PTBP3: variants seen among roughly 807,000 people sequenced by gnomAD.
The protein encoded by PTBP3 is polypyrimidine tract-binding protein 3.
In PTBP3, 20 loss-of-function variants were observed where a neutral mutation model predicts 58.7. The ratio of observed to expected loss-of-function variants is 0.34; its 90% CI spans 0.24 to 0.50. The LOEUF is 0.50. Among genes scored for constraint, PTBP3 ranks in the 20% least tolerant of loss-of-function variants. PTBP3 has a pLI of 0.98. For synonymous variants in PTBP3, 185 were observed against 219.8 expected, an observed-to-expected ratio of 0.84 and a Z score of 1.40; for missense variants, 509 against 637.2, an observed-to-expected ratio of 0.80 and a Z score of 2.17.
chr9:112,325,343 G>T (rs1830112912), intron 1 of PTBP3, among the ~76,000 whole-genome samples: 1 of 152,158 alleles, frequency 6.6e-6, no homozygotes. Context: ...GGGGGAAGGG[G>T]GTGGAGCCAC....
At chr9:112,325,188 G>C (rs1830106081) in intron 1 of PTBP3, among the ~76,000 whole-genome samples, 1 of 150,084 alleles carries the variant, frequency 6.7e-6, no homozygotes, top group African/African-American at 2.4e-5. Context: ...AGGGTCCCCG[G>C]AGAACCTTCG....
At chr9:112,309,655 G>GTCC (rs958350098) in intron 1 of PTBP3, among the ~76,000 whole-genome samples, 2 of 152,062 alleles carry the variant, frequency 1.3e-5, no homozygotes, top group African/African-American at 4.8e-5. Flanking sequence ...GGGCGTGGTG[G>GTCC]TGGACGCCTG....
intron 1 of PTBP3, among the ~76,000 whole-genome samples, chr9:112,322,134 C>T (rs78425643): frequency 1.5e-5 from 1 of 68,360 alleles, no homozygotes; most frequent in Admixed American, 2.0e-4. Flanking sequence ...GACTCCATCT[C>T]AAAAAAAAAA....
intron 8 of PTBP3, 53 bp downstream of exon 8, chr9:112,234,767 G>C: frequency 6.6e-7 from 1 of 1,506,782 alleles, no homozygotes; most frequent in African/African-American, 1.4e-5. Flanking sequence ...TAAGTTCCTA[G>C]AAAATATACA....
chr9:112,268,659 C>T (rs1381426012), intron 3 of PTBP3, among the ~76,000 whole-genome samples: 1 of 145,502 alleles, frequency 6.9e-6, no homozygotes, highest in Non-Finnish European at 1.5e-5. Flanking sequence ...GTGCAGTGAT[C>T]CATGTTTGCA....
chr9:112,333,444 C>A (rs764790876), intron 1 of PTBP3, 26 bp downstream of exon 1: 1 of 1,571,106 alleles, frequency 6.4e-7, no homozygotes, highest in African/African-American at 1.4e-5. Context: ...CAACCCGGTG[C>A]GGCCGCCGCG....
At chr9:112,295,076 C>A (rs1432690076) in intron 2 of PTBP3, among the ~76,000 whole-genome samples, 1 of 151,954 alleles carries the variant, frequency 6.6e-6, no homozygotes, top group Non-Finnish European at 1.5e-5. Context: ...CCTGTCTCTA[C>A]TAAAAATACA....
chr9:112,326,280 C>T (rs551853499), intron 1 of PTBP3, among the ~76,000 whole-genome samples: 1 of 152,314 alleles, frequency 6.6e-6, no homozygotes, highest in Non-Finnish European at 1.5e-5. Context: ...TTTCCTATAG[C>T]TCAAGCACAG....
the PTBP3 span, among the ~76,000 whole-genome samples, chr9:112,375,228 C>T: frequency 2.6e-5 from 4 of 152,250 alleles, no homozygotes; most frequent in African/African-American, 9.6e-5. Context: ...CTACATACCT[C>T]TTCCCCAAAT....
At chr9:112,277,876 AATAACGTAAC>A (rs1251274720) in intron 2 of PTBP3, among the ~76,000 whole-genome samples, 5 of 148,616 alleles carry the variant, frequency 3.4e-5, no homozygotes, top group Admixed American at 6.9e-5. Context: ...TCTGTCTCAA[AATAACGTAAC>A]ATAACATAAC....
Position 112,274,734 on chromosome 9 carries a change from C to G in PTBP3, c.204+1110G>C, listed in dbSNP as rs144806713. Among the ~76,000 whole-genome samples, 227 of 152,280 alleles carry G rather than the reference C, an allele frequency of 1.5e-3. 1 individual carries two copies. Among genetic ancestry groups the G allele is most frequent in the South Asian group, 4.8e-3 (23 of 4,820 alleles). On this transcript the variant is annotated intron_variant, in intron 3 of 13. Transcript: ENST00000374257. ...AGAGGACATTATTTTGGACTAGCCT[C>G]CTGCACTACACCCCAGCAGACCAGT...
intron 2 of PTBP3, among the ~76,000 whole-genome samples, chr9:112,290,626 C>G (rs2132278155): frequency 6.8e-6 from 1 of 147,396 alleles, no homozygotes; most frequent in African/African-American, 2.5e-5. Flanking sequence ...GAGCCGAGAC[C>G]ACGCCACTGC....
chr9:112,360,225 C>G, the PTBP3 span, among the ~76,000 whole-genome samples: 1 of 152,090 alleles, frequency 6.6e-6, no homozygotes, highest in Non-Finnish European at 1.5e-5. Context: ...GCTCTGTTGC[C>G]CAGGCTGGAG....
chr9:112,233,273 GT>G lies in PTBP3; in HGVS notation c.881-1036del, dbSNP rs1835314119. ...GAGCACAGTTGAGCTACACTGTAGG[GT>G]GTGTGTGTGTGTGTGTGTGTGTGTG... On this transcript the variant is annotated intron_variant, in intron 8 of 13. Transcript: ENST00000374257. Among the ~76,000 whole-genome samples, 49 of 3,642 alleles carry G rather than the reference GT, an allele frequency of 0.013. No individual in the cohort carries two copies. In the South Asian group the frequency reaches 0.18, roughly 14 times the overall value. The allele number at this position is 3,642 out of a possible 152,430, so 2.4% of individuals were successfully genotyped here.
At chr9:112,346,119 C>T in the PTBP3 span, among the ~76,000 whole-genome samples, 3 of 151,974 alleles carry the variant, frequency 2.0e-5, no homozygotes, top group Non-Finnish European at 2.9e-5. Flanking sequence ...GCTGGGATTA[C>T]AGGCGTGAGG....
intron 8 of PTBP3, among the ~76,000 whole-genome samples, chr9:112,233,438 G>C (rs1835324171): frequency 6.6e-6 from 1 of 151,358 alleles, no homozygotes; most frequent in South Asian, 2.1e-4. Flanking sequence ...CCAAAATGAG[G>C]GAAAACATAT....
At chr9:112,266,182 T>A (rs1836793077) in intron 4 of PTBP3, among the ~76,000 whole-genome samples, 5 of 152,068 alleles carry the variant, frequency 3.3e-5, no homozygotes, top group Non-Finnish European at 7.4e-5. Context: ...AGAGACTAAG[T>A]GTGGTGGTGA....
At chr9:112,379,856 G>C in the PTBP3 span, 2 of 521,906 alleles carry the variant, frequency 3.8e-6, no homozygotes, top group Non-Finnish European at 6.7e-6. Context: ...GCGCCGACAG[G>C]AGCCTGATTG....
intron 4 of PTBP3, among the ~76,000 whole-genome samples, chr9:112,265,143 G>A (rs775449151): frequency 1.1e-4 from 17 of 148,268 alleles, no homozygotes; most frequent in Non-Finnish European, 2.1e-4. Context: ...GAAGAAATAC[G>A]CAAGATATAT....
Sources: allele counts gnomAD v4.1 joint callset (sites outside exome capture counted in the v4.1 genomes callset), GRCh38; gene constraint gnomAD v4.1.1; transcripts MANE v1.5; gene names NCBI Gene and HGNC (gene_info 2026-07-23, HGNC 2026-07-21).